Variants in CNTN6 observed in about 807,000 individuals in gnomAD.
CNTN6 encodes contactin 6.
Under a neutral mutation model 122.8 loss-of-function variants are expected in CNTN6, and 137 were observed. That is an observed-to-expected ratio of 1.12 (90% confidence interval 0.97 to 1.29). The LOEUF (loss-of-function observed/expected upper bound fraction) is 1.29, where lower values mean the gene tolerates loss of function less well. Ranked by LOEUF, CNTN6 falls within the 50% of genes most tolerant of loss-of-function variation. The pLI is 0.00. For missense variants in CNTN6, 1,634 were observed against 1,223.4 expected (o/e 1.34, Z -5.01); for synonymous variants, 570 against 426.0 (o/e 1.34, Z -4.16).
At chr3:1,243,213 G>T (rs752134031) in intron 4 of CNTN6, among the ~76,000 whole-genome samples, 1 of 152,110 alleles carries the variant, frequency 6.6e-6, no homozygotes, top group Non-Finnish European at 1.5e-5. Flanking sequence ...CGCGGCTTAC[G>T]AGGAATCCTG....
chr3:1,318,013 A>G (rs1048605027), intron 7 of CNTN6, among the ~76,000 whole-genome samples: 2 of 151,724 alleles, frequency 1.3e-5, no homozygotes, highest in African/African-American at 2.4e-5. Context: ...CCTGAATCTT[A>G]TAACCTTCTC....
At position 1,383,173 on chromosome 3, in the gene CNTN6, G is replaced by T; in HGVS notation, c.2398G>T (p.Asp800Tyr). The stretch of plus-strand genomic sequence containing the variant: ...TGTGACCATTGTCTACTCTGGGGAA[G>T]ATGGTAAGTTGTCCTCAACTCTGGT... ...STVTIVYSGE[D>Y]EPQLAPRGTS... The change falls in exon 18 of 23, where the codon GAT (aspartate) becomes TAT (tyrosine). Residue 800 changes from aspartate (D) to tyrosine (Y), a missense_variant. Transcript: ENST00000446702. The T allele has an allele frequency of 6.2e-7, 1 of 1,611,632 alleles. No individual in the cohort carries two copies. The highest frequency in any genetic ancestry group is 8.5e-7 in the Non-Finnish European group (1 of 1,177,816).
intron 11 of CNTN6, among the ~76,000 whole-genome samples, chr3:1,330,254 C>T (rs963086556): frequency 3.3e-5 from 5 of 151,844 alleles, no homozygotes; most frequent in Admixed American, 2.6e-4. Flanking sequence ...GAAATCAGTG[C>T]GAATAACATT....
rs191404224 is a variant in CNTN6 at position 1,155,631 on chromosome 3, C to T, written c.55+7568C>T. 1.0e-3 allele frequency among the ~76,000 whole-genome samples: 152 copies of T among 152,304 alleles called. 1 individual carries two copies. Among genetic ancestry groups the T allele is most frequent in the African/African-American group, 3.4e-3 (142 of 41,574 alleles). On this transcript the variant is annotated intron_variant, in intron 2 of 22. Transcript: ENST00000446702. ...TTCAGGGAGTAGAACATTTAACATA[C>T]AGCCAGTGCTGTTTCAGTATTACTG...
chr3:1,155,855 G>C (rs2092950635), intron 2 of CNTN6, among the ~76,000 whole-genome samples: 1 of 152,072 alleles, frequency 6.6e-6, no homozygotes, highest in South Asian at 2.1e-4. Context: ...CATCCTCTGT[G>C]TCCTTTCCAA....
intron 1 of CNTN6, among the ~76,000 whole-genome samples, chr3:1,143,313 A>G (rs2125149184): frequency 6.6e-6 from 1 of 152,280 alleles, no homozygotes; most frequent in Non-Finnish European, 1.5e-5. Flanking sequence ...AAGTAAATAC[A>G]CGTTAGTTTA....
intron 19 of CNTN6, among the ~76,000 whole-genome samples, chr3:1,384,820 T>TAC (rs1692612369): frequency 6.8e-6 from 1 of 146,920 alleles, no homozygotes; most frequent in African/African-American, 2.5e-5. Flanking sequence ...CACATATATA[T>TAC]ATATATATAT....
At chr3:1,329,709 G>T in intron 10 of CNTN6, 76 bp from the exon 11 acceptor site, 1 of 1,261,382 alleles carries the variant, frequency 7.9e-7, no homozygotes, top group Non-Finnish European at 1.1e-6. Context: ...ATTCTGTCTA[G>T]CATAGCAAGT....
intron 20 of CNTN6, 33 bp downstream of exon 20, chr3:1,385,830 C>G (rs778049034): frequency 1.3e-6 from 2 of 1,552,666 alleles, no homozygotes; most frequent in Admixed American, 2.0e-5. Context: ...AAACAAGATT[C>G]ATCTGTGAAG....
intron 1 of CNTN6, among the ~76,000 whole-genome samples, chr3:1,099,324 G>C (rs11128529): frequency 6.6e-6 from 1 of 151,346 alleles, no homozygotes; most frequent in Admixed American, 6.6e-5. Flanking sequence ...GGTGGCGGGC[G>C]CCTGTAGTCC....
intron 2 of CNTN6, among the ~76,000 whole-genome samples, chr3:1,178,543 C>T (rs930364912): frequency 1.3e-5 from 2 of 152,100 alleles, no homozygotes; most frequent in African/African-American, 4.8e-5. Flanking sequence ...GTGATAGTTC[C>T]AATACCTATG....
At chr3:1,116,528 GACA>G (rs1386268793) in intron 1 of CNTN6, among the ~76,000 whole-genome samples, 2 of 151,990 alleles carry the variant, frequency 1.3e-5, no homozygotes, top group Non-Finnish European at 2.9e-5. Context: ...ATCTTCAGTG[GACA>G]ACATTTGTAT....
At chr3:1,252,319 G>C (rs1037352870) in intron 4 of CNTN6, among the ~76,000 whole-genome samples, 1 of 152,004 alleles carries the variant, frequency 6.6e-6, no homozygotes, top group Non-Finnish European at 1.5e-5. Context: ...TCTTATTTTT[G>C]TGTGACTTTT....
At chr3:1,311,736 C>G (rs1057445431) in intron 7 of CNTN6, among the ~76,000 whole-genome samples, 7 of 151,488 alleles carry the variant, frequency 4.6e-5, no homozygotes, top group Non-Finnish European at 7.4e-5. Flanking sequence ...TCCTTCCTGT[C>G]TTTATTCTAC....
At chr3:1,146,396 A>G (rs1190872403) in intron 1 of CNTN6, among the ~76,000 whole-genome samples, 1 of 151,922 alleles carries the variant, frequency 6.6e-6, no homozygotes, top group East Asian at 1.9e-4. Flanking sequence ...AGCTAGTCTC[A>G]TCCTTCCTTC....
At chr3:1,321,398 CA>C (rs149065960) in intron 7 of CNTN6, among the ~76,000 whole-genome samples, 18,003 of 151,696 alleles carry the variant, frequency 0.12, 1,066 homozygotes, top group East Asian at 0.17. Flanking sequence ...GGGCAGAGGA[CA>C]TGTCTATTTT....
chr3:1,240,098 A>G (rs1021802928), intron 4 of CNTN6, among the ~76,000 whole-genome samples: 2 of 152,186 alleles, frequency 1.3e-5, no homozygotes, highest in African/African-American at 4.8e-5. Context: ...CAACACTTCC[A>G]GACATTGGCT....
intron 1 of CNTN6, among the ~76,000 whole-genome samples, chr3:1,113,282 T>C (rs953780823): frequency 6.6e-6 from 1 of 152,326 alleles, no homozygotes; most frequent in South Asian, 2.1e-4. Flanking sequence ...CAAATATTGA[T>C]GTTATTCAAA....
At chr3:1,370,925 TGAA>T (rs947679187) in intron 12 of CNTN6, among the ~76,000 whole-genome samples, 44 of 152,116 alleles carry the variant, frequency 2.9e-4, no homozygotes, top group African/African-American at 8.9e-4. Context: ...TAATAAAAAA[TGAA>T]GACATATTTG....
Sources: allele counts gnomAD v4.1 joint callset (sites outside exome capture counted in the v4.1 genomes callset), GRCh38; gene constraint gnomAD v4.1.1; transcripts MANE v1.5; gene names NCBI Gene and HGNC (gene_info 2026-07-23, HGNC 2026-07-21).